FYCO1: variants seen among roughly 807,000 people sequenced by gnomAD.
The protein encoded by FYCO1 is FYVE and coiled-coil domain-containing protein 1.
Under a neutral mutation model 165.1 loss-of-function variants are expected in FYCO1, and 122 were observed. That is an observed-to-expected ratio of 0.74 (90% CI 0.64 to 0.86). The LOEUF is 0.86. Ranked by LOEUF, FYCO1 falls within the 40% of genes least tolerant of loss-of-function variation. FYCO1 has a pLI of 0.00. For missense variants in FYCO1, 1,702 were observed against 1,810.3 expected (o/e 0.94, Z 1.09); for synonymous variants, 648 against 742.5 (o/e 0.87, Z 2.07).
At chr3:45,942,200 A>C (rs922986052) in intron 14 of FYCO1, among the ~76,000 whole-genome samples, 1 of 152,236 alleles carries the variant, frequency 6.6e-6, no homozygotes, top group Admixed American at 6.5e-5. Context: ...CAGGGCAGGA[A>C]GCACTGGCTT....
intron 7 of FYCO1, among the ~76,000 whole-genome samples, chr3:45,969,154 TCA>T (rs1317900056): frequency 6.6e-6 from 1 of 152,376 alleles, no homozygotes; most frequent in Non-Finnish European, 1.5e-5. Context: ...TAATTGCTAT[TCA>T]GTTTCCACAG....
chr3:45,922,361 G>A (rs1703125186), intron 17 of FYCO1, among the ~76,000 whole-genome samples: 1 of 152,234 alleles, frequency 6.6e-6, no homozygotes, highest in African/African-American at 2.4e-5. Flanking sequence ...GCTTGGGACG[G>A]TGCTCTGCCC....
At chr3:45,979,013 C>T (rs1040607508) in intron 4 of FYCO1, among the ~76,000 whole-genome samples, 21 of 151,876 alleles carry the variant, frequency 1.4e-4, no homozygotes, top group African/African-American at 3.1e-4. Context: ...CCCGCCACCA[C>T]GCCTGGCTAA....
intron 15 of FYCO1, 142 bp from the exon 16 acceptor site, chr3:45,931,423 C>G: frequency 1.3e-6 from 1 of 749,406 alleles, no homozygotes; most frequent in Admixed American, 2.1e-5. Flanking sequence ...GGCCAACATG[C>G]TTAATTATGG....
rs572708880 is a variant in FYCO1 at position 45,920,685 on chromosome 3, T to A, written c.*1080A>T. ...TGGGCAAATGGGCTGTTGGGGAACC[T>A]GTCAGGAGGGGAGTGGGGCCCAGGG... On this transcript the variant is annotated 3_prime_UTR_variant, in exon 18 of 18. Coordinates refer to ENST00000296137, the MANE Select transcript of FYCO1 (RefSeq NM_024513.4). 3 of 152,722 alleles carry A rather than the reference T, an allele frequency of 2.0e-5. No individual in the cohort carries two copies. Among genetic ancestry groups the A allele is most frequent in the African/African-American group, 7.2e-5 (3 of 41,438 alleles). The allele number at this position is 152,722 out of a possible 1,614,324, so 9.5% of individuals were successfully genotyped here.
intron 14 of FYCO1, among the ~76,000 whole-genome samples, chr3:45,951,414 A>G (rs1575353084): frequency 6.6e-6 from 1 of 152,168 alleles, no homozygotes; most frequent in East Asian, 1.9e-4. Flanking sequence ...CTGGAGCTCA[A>G]GCTCTTCACC....
At chr3:45,927,469 G>T (rs2125792462) in intron 16 of FYCO1, among the ~76,000 whole-genome samples, 1 of 152,280 alleles carries the variant, frequency 6.6e-6, no homozygotes, top group East Asian at 1.9e-4. Context: ...ATGGGAGGGA[G>T]AGCGAGCATT....
chr3:45,927,005 G>A (rs916732774), intron 16 of FYCO1, among the ~76,000 whole-genome samples: 1 of 151,864 alleles, frequency 6.6e-6, no homozygotes, highest in African/African-American at 2.4e-5. Context: ...AACAGCAGAA[G>A]GTACATCCTT....
intron 17 of FYCO1, among the ~76,000 whole-genome samples, chr3:45,922,492 C>T (rs1703130560): frequency 6.6e-6 from 1 of 152,182 alleles, no homozygotes; most frequent in African/African-American, 2.4e-5. Context: ...TGGTGGTCCC[C>T]AACCCATTCT....
intron 17 of FYCO1, 120 bp from the exon 18 acceptor site, chr3:45,921,960 G>C (rs1703110885): frequency 1.4e-6 from 1 of 720,924 alleles, no homozygotes; most frequent in Admixed American, 1.9e-5. Context: ...GGGTGCTGGA[G>C]CCCCATGCCC....
rs201194585 is a variant in FYCO1 at position 45,967,148 on chromosome 3, T to A, written c.2186A>T (p.Glu729Val). Reference sequence around the variant, plus strand: ...GCACTGGCTCTCGAGAGCCCTAAGCTCTCTGTGCCGGGCTTCTGCCAGTTG... The same window carrying A: ...GCACTGGCTCTCGAGAGCCCTAAGCACTCTGTGCCGGGCTTCTGCCAGTTG... The part of the protein sequence containing the change: ...CQQLAEARHR[E>V]LRALESQCQQ... The change falls in exon 8 of 18, where the codon GAG becomes GTG. Residue 729 changes from glutamate to valine, a missense_variant. By Grantham distance (121) the Glu-to-Val change is moderately radical. Coordinates refer to ENST00000296137, the MANE Select transcript of FYCO1 (RefSeq NM_024513.4). 1 of 1,613,320 alleles carries A rather than the reference T, an allele frequency of 6.2e-7. No homozygotes were observed.
chr3:45,957,256 T>C (rs575066582), intron 13 of FYCO1, among the ~76,000 whole-genome samples: 8 of 152,320 alleles, frequency 5.3e-5, no homozygotes, highest in African/African-American at 1.9e-4. Flanking sequence ...TAACTGAAAA[T>C]GCATCATAGG....
At chr3:45,978,800 A>G (rs1015528513) in intron 4 of FYCO1, among the ~76,000 whole-genome samples, 1 of 151,944 alleles carries the variant, frequency 6.6e-6, no homozygotes, top group Non-Finnish European at 1.5e-5. Context: ...TGGAAAATAA[A>G]CAGAAAGGAG....
intron 8 of FYCO1, 134 bp from the exon 9 acceptor site, chr3:45,965,259 T>C: frequency 2.9e-6 from 2 of 680,652 alleles, no homozygotes; most frequent in Non-Finnish European, 2.6e-6. Flanking sequence ...TCAATGAGCT[T>C]TGGGTTTATT....
At chr3:45,970,840 T>C (rs1452945195) in intron 6 of FYCO1, among the ~76,000 whole-genome samples, 1 of 152,022 alleles carries the variant, frequency 6.6e-6, no homozygotes, top group Non-Finnish European at 1.5e-5. Context: ...AGCTATTACA[T>C]GATTCAACAT....
intron 1 of FYCO1, among the ~76,000 whole-genome samples, chr3:45,988,522 G>GT: frequency 6.6e-6 from 1 of 152,256 alleles, no homozygotes; most frequent in East Asian, 1.9e-4. Flanking sequence ...CAGCACCAGC[G>GT]TAAGGACTCC....
chr3:45,975,437 C>T, intron 4 of FYCO1, 92 bp from the exon 5 acceptor site: 1 of 949,402 alleles, frequency 1.1e-6, no homozygotes, highest in East Asian at 2.5e-5. Flanking sequence ...AACACAGATA[C>T]AGGGCAAAAA....
At chr3:45,969,156 A>C (rs1436619687) in intron 7 of FYCO1, among the ~76,000 whole-genome samples, 3 of 152,202 alleles carry the variant, frequency 2.0e-5, no homozygotes, top group Non-Finnish European at 4.4e-5. Flanking sequence ...ATTGCTATTC[A>C]GTTTCCACAG....
intron 14 of FYCO1, among the ~76,000 whole-genome samples, chr3:45,942,115 CA>C (rs1316373414): frequency 6.6e-6 from 1 of 152,196 alleles, no homozygotes; most frequent in African/African-American, 2.4e-5. Flanking sequence ...CGAATTCATT[CA>C]AAAAGGCCTG....
Sources: allele counts gnomAD v4.1 joint callset (sites outside exome capture counted in the v4.1 genomes callset), GRCh38; gene constraint gnomAD v4.1.1; transcripts MANE v1.5; gene names NCBI Gene and HGNC (gene_info 2026-07-23, HGNC 2026-07-21).